The following ZNF490 variants were observed in gnomAD, a reference collection of about 807,000 sequenced individuals.
ZNF490 encodes the protein zinc finger protein 490.
Under a neutral mutation model 17.7 loss-of-function variants are expected in ZNF490, and 11 were observed. The observed-to-expected ratio is 0.62, with a 90% confidence interval of 0.39 to 1.03. The LOEUF is 1.03. Ranked by LOEUF, ZNF490 falls within the 50% of genes least tolerant of loss-of-function variation. The pLI is 0.00. For synonymous variants in ZNF490, 222 were observed against 216.1 expected (o/e 1.03, Z -0.24); for missense variants, 542 against 643.4 (o/e 0.84, Z 1.71).
Position 12,582,925 on chromosome 19 carries a change from C to T in ZNF490, c.290-15G>A. ...CCATTTTTCCCCTAAAATACAAGCC[C>T]AGAGAACTCACAATAAATTATTAGA... On this transcript the variant is annotated splice_polypyrimidine_tract_variant and intron_variant, in intron 3 of 4. Coordinates refer to ENST00000311437, the MANE Select transcript of ZNF490 (RefSeq NM_020714.3). The T allele has an allele frequency of 1.9e-6, 3 of 1,596,788 alleles. No homozygotes were observed. The highest frequency in any genetic ancestry group is 1.7e-6 in the Non-Finnish European group (2 of 1,169,684).
intron 2 of ZNF490, among the ~76,000 whole-genome samples, chr19:12,605,302 C>T (rs958551668): frequency 2.6e-5 from 4 of 152,026 alleles, no homozygotes; most frequent in South Asian, 4.1e-4. Flanking sequence ...GACAACAGAG[C>T]GAGACCCTAA....
chr19:12,590,066 C>T (rs1178400249), intron 2 of ZNF490, among the ~76,000 whole-genome samples: 1 of 151,076 alleles, frequency 6.6e-6, no homozygotes, highest in African/African-American at 2.4e-5. Flanking sequence ...AGGCATGTGC[C>T]ACCACGCCCC....
chr19:12,583,440 C>G lies in ZNF490; in HGVS notation c.279G>C (p.Leu93=). The G allele has an allele frequency of 1.9e-6, 3 of 1,602,580 alleles. No homozygotes were observed. The highest frequency in any genetic ancestry group is 2.6e-6 in the Non-Finnish European group (3 of 1,172,764). The change falls in exon 3 of 5, where the codon CTG becomes CTC. Residue 93 remains leucine (L), a synonymous_variant. Coordinates refer to ENST00000311437, the MANE Select transcript of ZNF490 (RefSeq NM_020714.3). The stretch of plus-strand genomic sequence containing the variant: ...TTATGTCACCCTTACCTATACAGGC[C>G]AGGTTCTTGAAGGTTGCCCGCATCA... The part of the protein sequence containing the change: ...RDVMRATFKN[L]ACIGEKWKDQ...
chr19:12,588,737 A>G (rs2022831033), intron 2 of ZNF490, among the ~76,000 whole-genome samples: 1 of 152,226 alleles, frequency 6.6e-6, no homozygotes, highest in African/African-American at 2.4e-5. Context: ...AATACTTCCT[A>G]GCAAATTTAA....
chr19:12,598,132 G>A (rs2022957479), intron 2 of ZNF490, among the ~76,000 whole-genome samples: 1 of 151,794 alleles, frequency 6.6e-6, no homozygotes, highest in East Asian at 2.0e-4. Flanking sequence ...GCTGAGGCAG[G>A]AGAATCACTT....
At chr19:12,591,666 A>C (rs2022873458) in intron 2 of ZNF490, among the ~76,000 whole-genome samples, 1 of 152,156 alleles carries the variant, frequency 6.6e-6, no homozygotes, top group Admixed American at 6.6e-5. Context: ...ATAAAAAAAA[A>C]CTAAGATAAA....
intron 2 of ZNF490, among the ~76,000 whole-genome samples, chr19:12,592,748 C>G (rs2022887293): frequency 6.6e-6 from 1 of 152,162 alleles, no homozygotes; most frequent in South Asian, 2.1e-4. Context: ...TCACTTATAA[C>G]AGATGTATTA....
chr19:12,576,827 A>C lies in ZNF490; in HGVS notation c.*3658T>G, dbSNP rs549433366. On this transcript the variant is annotated 3_prime_UTR_variant, in exon 5 of 5. Transcript: ENST00000311437. ...AGAATCCATCTCAAAAAAAAAAAAA[A>C]AAAAAAAAACCTAAAAGCATTCCAT... Among the ~76,000 whole-genome samples the C allele has an allele frequency of 1.4e-4, 21 of 151,240 alleles. No homozygotes were observed. Among genetic ancestry groups the C allele is most frequent in the African/African-American group, 2.7e-4 (11 of 41,348 alleles).
Position 12,577,246 on chromosome 19 carries a change from A to G in ZNF490, c.*3239T>C, listed in dbSNP as rs927647650. On this transcript the variant is annotated 3_prime_UTR_variant, in exon 5 of 5. Transcript: ENST00000311437. Reference sequence around the variant, plus strand: ...CACAAAAGGGTTTTACAAAAACATCATCATAGACCCACATATACTTGTCCT... The same window carrying G: ...CACAAAAGGGTTTTACAAAAACATCGTCATAGACCCACATATACTTGTCCT... Among the ~76,000 whole-genome samples the G allele has an allele frequency of 2.6e-5, 4 of 152,190 alleles. No homozygotes were observed. The highest frequency in any genetic ancestry group is 9.7e-5 in the African/African-American group (4 of 41,442).
In ZNF490 at chr19:12,610,724, C is replaced by G. The variant is rs562205940; in HGVS notation, c.-44G>C. The G allele has an allele frequency of 6.3e-7, 1 of 1,577,684 alleles. No homozygotes were observed. Among genetic ancestry groups the G allele is most frequent in the African/African-American group, 1.3e-5 (1 of 74,446 alleles). On this transcript the variant is annotated 5_prime_UTR_variant, in exon 1 of 5. Transcript: ENST00000311437. The stretch of plus-strand genomic sequence containing the variant: ...AAACACTGCAGGAAGACTTCCGTGT[C>G]CGACCCGAGATCCGGAACAATTTCT...
In ZNF490 at chr19:12,577,430, CACA is replaced by C. The variant is rs2022658175; in HGVS notation, c.*3052_*3054del. Reference sequence around the variant, plus strand: ...TACAATAATCATCTCTCTACAAAAGCACAACATGGCAGCTCAAGAATGTGAAAG... The same window carrying C: ...TACAATAATCATCTCTCTACAAAAGCACATGGCAGCTCAAGAATGTGAAAG... On this transcript the variant is annotated 3_prime_UTR_variant, in exon 5 of 5. Transcript: ENST00000311437. 3 of 985,158 alleles carry C rather than the reference CACA, an allele frequency of 3.0e-6. No individual in the cohort carries two copies. Among genetic ancestry groups the C allele is most frequent in the Non-Finnish European group, 3.6e-6 (3 of 829,840 alleles). 61.0% of individuals were successfully genotyped at this position (985,158 alleles called of 1,614,324 possible). A position where few individuals can be genotyped will look rare whatever the true frequency, so the allele number is the denominator to read the frequency against.
intron 2 of ZNF490, among the ~76,000 whole-genome samples, chr19:12,599,545 C>T (rs1320396845): frequency 6.6e-6 from 1 of 152,160 alleles, no homozygotes; most frequent in Non-Finnish European, 1.5e-5. Flanking sequence ...ATGAGTCAGA[C>T]CTTATCTGCA....
At chr19:12,600,203 A>T (rs2022985669) in intron 2 of ZNF490, among the ~76,000 whole-genome samples, 1 of 151,924 alleles carries the variant, frequency 6.6e-6, no homozygotes, top group South Asian at 2.1e-4. Context: ...TCTACTAAAA[A>T]AAAAACACAA....
chr19:12,604,679 C>T (rs1043094324), intron 2 of ZNF490, among the ~76,000 whole-genome samples: 1 of 144,654 alleles, frequency 6.9e-6, no homozygotes, highest in East Asian at 2.0e-4. Context: ...AAAAAATTAG[C>T]CAGGCGTGGT....
At chr19:12,600,346 A>G (rs2022987401) in intron 2 of ZNF490, among the ~76,000 whole-genome samples, 1 of 152,088 alleles carries the variant, frequency 6.6e-6, no homozygotes, top group South Asian at 2.1e-4. Flanking sequence ...AGCCTGAGCG[A>G]AAGAGCGAGA....
At chr19:12,583,045 A>AT (rs142050281) in intron 3 of ZNF490, 135 bp from the exon 4 acceptor site, 38,236 of 585,928 alleles carry the variant, frequency 0.065, 4 homozygotes, top group East Asian at 0.081. Context: ...CTCTTCCCAC[A>AT]TTTTTTTTTT....
At chr19:12,606,071 G>A (rs1308111640) in intron 2 of ZNF490, among the ~76,000 whole-genome samples, 2 of 151,914 alleles carry the variant, frequency 1.3e-5, no homozygotes, top group Non-Finnish European at 1.5e-5. Context: ...GTAGAAACAG[G>A]GTTTCTCCAT....
chr19:12,605,847 A>G (rs937868966), intron 2 of ZNF490, among the ~76,000 whole-genome samples: 1 of 152,120 alleles, frequency 6.6e-6, no homozygotes, highest in African/African-American at 2.4e-5. Flanking sequence ...TCCCTTTAAG[A>G]AAAGTGTATT....
chr19:12,582,686 G>A (rs576929109), intron 4 of ZNF490, among the ~76,000 whole-genome samples, 164 bp downstream of exon 4: 3 of 152,160 alleles, frequency 2.0e-5, no homozygotes, highest in African/African-American at 4.8e-5. Context: ...GAGCCACCAC[G>A]CCTGGCTGCC....
Sources: allele counts gnomAD v4.1 joint callset (sites outside exome capture counted in the v4.1 genomes callset), GRCh38; gene constraint gnomAD v4.1.1; transcripts MANE v1.5; gene names NCBI Gene and HGNC (gene_info 2026-07-23, HGNC 2026-07-21).